LY6S: variants seen among roughly 807,000 people sequenced by gnomAD.
LY6S encodes the protein lymphocyte antigen 6 family member S.
chr8:143,058,175 G>A, the LY6S span, among the ~76,000 whole-genome samples: 78,358 of 152,026 alleles, frequency 0.52, 22,864 homozygotes, highest in Non-Finnish European at 0.64. Flanking sequence ...GTCTCTCCCC[G>A]CGTGCGGCGA....
chr8:143,069,231 G>A, the LY6S span, among the ~76,000 whole-genome samples: 4 of 152,224 alleles, frequency 2.6e-5, no homozygotes, highest in South Asian at 6.2e-4. Context: ...AGACGCTTCC[G>A]CAGTGAGGGC....
chr8:143,070,353 T>C, the LY6S span, among the ~76,000 whole-genome samples: 1 of 142,794 alleles, frequency 7.0e-6, no homozygotes, highest in Non-Finnish European at 1.5e-5. Context: ...GCCCATGGGC[T>C]TTCTCCAGCT....
chr8:143,076,201 G>C, the LY6S span, among the ~76,000 whole-genome samples: 1 of 152,202 alleles, frequency 6.6e-6, no homozygotes, highest in African/African-American at 2.4e-5. Context: ...GTCAGAAACA[G>C]AACACAATTG....
At chr8:143,070,407 T>G in the LY6S span, among the ~76,000 whole-genome samples, 1 of 123,364 alleles carries the variant, frequency 8.1e-6, no homozygotes, top group African/African-American at 3.7e-5. Context: ...ATATTTTTTA[T>G]TTATGTATAT....
the LY6S span, among the ~76,000 whole-genome samples, chr8:143,050,420 A>G: frequency 6.6e-6 from 1 of 151,496 alleles, no homozygotes; most frequent in Admixed American, 6.6e-5. Context: ...ACCTAAAGTG[A>G]CCCACCCGTC....
the LY6S span, among the ~76,000 whole-genome samples, chr8:143,052,554 GT>G: frequency 1.3e-5 from 2 of 152,164 alleles, no homozygotes; most frequent in African/African-American, 4.8e-5. Flanking sequence ...ATACCTTTTG[GT>G]TTTGTAGACA....
the LY6S span, among the ~76,000 whole-genome samples, chr8:143,069,447 A>C: frequency 6.6e-6 from 1 of 152,188 alleles, no homozygotes; most frequent in Non-Finnish European, 1.5e-5. Context: ...GTGCCTTCTT[A>C]GAAGTGCCGC....
At chr8:143,042,924 C>A in the LY6S span, 19 of 1,117,338 alleles carry the variant, frequency 1.7e-5, no homozygotes, top group Admixed American at 3.5e-4. Flanking sequence ...GCCCAGAGGA[C>A]AAGGAGTTTA....
chr8:143,072,161 C>T, the LY6S span, among the ~76,000 whole-genome samples: 22,976 of 141,400 alleles, frequency 0.16, 2,761 homozygotes, highest in African/African-American at 0.31. Context: ...TTACCAGTGT[C>T]TGCTTCTGGC....
the LY6S span, among the ~76,000 whole-genome samples, chr8:143,075,987 T>G: frequency 6.6e-6 from 1 of 152,050 alleles, no homozygotes; most frequent in Non-Finnish European, 1.5e-5. The surrounding 1 kb of genome is among the most constrained non-coding windows in gnomAD (Gnocchi z 4.1). Flanking sequence ...TGTGTCAGTT[T>G]GAAAATGATA....
the LY6S span, among the ~76,000 whole-genome samples, chr8:143,060,283 T>G: frequency 2.0e-5 from 3 of 152,232 alleles, no homozygotes; most frequent in South Asian, 4.1e-4. Context: ...GCACCTCTTG[T>G]GGAGGGCCTG....
At chr8:143,070,641 C>A in the LY6S span, among the ~76,000 whole-genome samples, 1 of 150,522 alleles carries the variant, frequency 6.6e-6, no homozygotes, top group African/African-American at 2.5e-5. Flanking sequence ...CGCATGTCAC[C>A]ACACCCAGCT....
At chr8:143,061,261 T>TA in the LY6S span, among the ~76,000 whole-genome samples, 24,846 of 142,068 alleles carry the variant, frequency 0.17, 2,380 homozygotes, top group East Asian at 0.34. Flanking sequence ...CCCTGTCTCT[T>TA]AAAAAAAAAA....
chr8:143,072,473 G>T, the LY6S span, among the ~76,000 whole-genome samples: 1 of 111,726 alleles, frequency 9.0e-6, no homozygotes, highest in Admixed American at 9.0e-5. Flanking sequence ...GGAGACAGCC[G>T]TCCTCCCCGG....
the LY6S span, among the ~76,000 whole-genome samples, chr8:143,070,489 A>ATATATATTTTTTT: frequency 2.4e-5 from 2 of 81,712 alleles, no homozygotes; most frequent in African/African-American, 1.5e-4. Flanking sequence ...ATATATATAT[A>ATATATATTTTTTT]TTTTTTTTTT....
the LY6S span, among the ~76,000 whole-genome samples, chr8:143,061,747 T>C: frequency 6.2e-3 from 943 of 152,336 alleles, 5 homozygotes; most frequent in South Asian, 0.013. Context: ...TTCTCCATGT[T>C]GGTCAAGGCT....
At chr8:143,060,335 G>A in the LY6S span, among the ~76,000 whole-genome samples, 8 of 152,200 alleles carry the variant, frequency 5.3e-5, no homozygotes, top group South Asian at 2.1e-4. Context: ...AGGCCTAAAC[G>A]TCTCCCTGTG....
the LY6S span, among the ~76,000 whole-genome samples, chr8:143,063,505 C>T: frequency 1.9e-4 from 29 of 152,176 alleles, no homozygotes; most frequent in Admixed American, 1.8e-3. Context: ...GTAAAGTCCT[C>T]GCTTCTGTTA....
chr8:143,048,027 A>G, the LY6S span: 1 of 152,248 alleles, frequency 6.6e-6, no homozygotes, highest in Non-Finnish European at 1.5e-5. Context: ...TTTTAAACTA[A>G]GAAGACAAGA....
Sources: allele counts gnomAD v4.1 joint callset (sites outside exome capture counted in the v4.1 genomes callset), GRCh38; gene constraint gnomAD v4.1.1; non-coding constraint Gnocchi (gnomAD v3.1); transcripts MANE v1.5; gene names NCBI Gene and HGNC (gene_info 2026-07-23, HGNC 2026-07-21).